The following ENG variants were observed in gnomAD, a reference collection of about 807,000 sequenced individuals.
ENG encodes CD105 antigen.
ENG carries 17 observed loss-of-function variants against 71.0 expected under a neutral mutation model. The observed-to-expected ratio is 0.24, with a 90% CI of 0.16 to 0.36. The LOEUF (loss-of-function observed/expected upper bound fraction) is 0.36. ENG is among the 10% of genes least tolerant of loss of function. The pLI is 1.00. For synonymous variants in ENG, 360 were observed against 366.9 expected (o/e 0.98, Z 0.21); for missense variants, 749 against 868.3 (o/e 0.86, Z 1.73).
intron 8 of ENG, 125 bp from the exon 9 acceptor site, chr9:127,820,162 C>T: frequency 2.2e-6 from 3 of 1,334,444 alleles, no homozygotes; most frequent in Non-Finnish European, 3.0e-6. Flanking sequence ...GCCCTGCTCC[C>T]TCTTCATTTT....
intron 7 of ENG, 57 bp from the exon 8 acceptor site, chr9:127,824,503 C>T (rs1053843964): frequency 1.5e-5 from 22 of 1,475,458 alleles, no homozygotes; most frequent in African/African-American, 2.9e-5. Context: ...ACTGTGTGCC[C>T]GCACCAGGCT....
chr9:127,839,164 C>T (rs776379591), intron 2 of ENG, among the ~76,000 whole-genome samples: 3 of 152,190 alleles, frequency 2.0e-5, no homozygotes, highest in Non-Finnish European at 4.4e-5. Context: ...CAGTGCTCAT[C>T]ACCCCATCAC....
chr9:127,818,705 A>G lies in ENG; in HGVS notation c.1428+11T>C, dbSNP rs1431193283. The G allele has an allele frequency of 1.1e-5, 18 of 1,613,746 alleles. No homozygotes were observed. The highest frequency in any genetic ancestry group is 1.4e-5 in the Non-Finnish European group (17 of 1,179,712). ...CTGGGAGGCCCGAGGGGTGACAGGC[A>G]TGCCAGGTACCTGCACAAAGCTCTG... On this transcript the variant is annotated intron_variant, in intron 11 of 14. Coordinates refer to ENST00000373203, the MANE Select transcript of ENG (RefSeq NM_001114753.3).
intron 4 of ENG, among the ~76,000 whole-genome samples, chr9:127,826,137 T>C (rs1830610166): frequency 6.6e-6 from 1 of 152,208 alleles, no homozygotes; most frequent in Non-Finnish European, 1.5e-5. Context: ...CCCGAAATTA[T>C]AGATTTATCT....
Position 127,815,829 on chromosome 9 carries a change from G to A in ENG, c.1853-23C>T, listed in dbSNP as rs540464910. On this transcript the variant is annotated intron_variant, in intron 14 of 14. Transcript: ENST00000373203. ...AACCTGGGAGCGGGAGCGGGGGCAG[G>A]GGCGGAGGTCAGGGTCCTGGCCAGG... 17 of 1,548,196 alleles carry A rather than the reference G, an allele frequency of 1.1e-5. No individual in the cohort carries two copies. The African/African-American group carries it at 2.0e-4, about 19-fold the overall frequency.
At chr9:127,843,072 G>C (rs370257876) in intron 2 of ENG, 22 bp downstream of exon 2, 23 of 1,613,480 alleles carry the variant, frequency 1.4e-5, no homozygotes, top group Non-Finnish European at 1.8e-5. Flanking sequence ...GCCCCCACCC[G>C]ACCCTGCCAT....
intron 3 of ENG, chr9:127,826,984 C>T: frequency 2.5e-6 from 1 of 396,706 alleles, no homozygotes; most frequent in Non-Finnish European, 4.8e-6. Context: ...GCTGTCTCTC[C>T]CTATACCCTG....
chr9:127,828,384 C>G (rs1010638685), intron 3 of ENG, among the ~76,000 whole-genome samples: 7 of 152,224 alleles, frequency 4.6e-5, no homozygotes, highest in Non-Finnish European at 8.8e-5. Context: ...ACTGGGTCGG[C>G]CACCGAGGCC....
intron 10 of ENG, 137 bp downstream of exon 10, chr9:127,819,485 G>A (rs1830420366): frequency 8.7e-7 from 1 of 1,151,324 alleles, no homozygotes. Context: ...TCATACAGAA[G>A]GGGAGACCGA....
chr9:127,835,623 T>C (rs541710906), intron 2 of ENG, among the ~76,000 whole-genome samples: 3 of 152,278 alleles, frequency 2.0e-5, no homozygotes, highest in African/African-American at 7.2e-5. Flanking sequence ...GGCCAAGCCC[T>C]GAGTGGGGAT....
intron 6 of ENG, 79 bp downstream of exon 6, chr9:127,825,152 G>T (rs910894905): frequency 6.2e-7 from 1 of 1,612,104 alleles, no homozygotes; most frequent in African/African-American, 1.3e-5. Flanking sequence ...CAGCTCGGGG[G>T]TTCACCTTTC....
chr9:127,816,666 C>A, intron 13 of ENG: 1 of 251,298 alleles, frequency 4.0e-6, no homozygotes, highest in Non-Finnish European at 7.9e-6. Context: ...AGGTAGGTGC[C>A]CCCATCCCTC....
intron 3 of ENG, among the ~76,000 whole-genome samples, chr9:127,827,628 G>A (rs1391025721): frequency 6.6e-6 from 1 of 152,168 alleles, no homozygotes; most frequent in East Asian, 1.9e-4. Flanking sequence ...GGGCAAAAGG[G>A]CTTCGGGTTG....
In ENG at chr9:127,824,901, T is replaced by G. The variant is rs776975683; in HGVS notation, c.890A>C (p.Gln297Pro). The G allele has an allele frequency of 2.2e-5, 36 of 1,613,708 alleles. No individual in the cohort carries two copies. The highest frequency in any genetic ancestry group is 1.3e-4 in the Admixed American group (8 of 59,972). ...IRGFKLPDTP[Q>P]GLLGEARMLN... The stretch of plus-strand genomic sequence containing the variant: ...CATCCGGGCCTCCCCCAGGAGGCCT[T>G]GAGGTGTGTCTGGGAGCTTGAAGCC... Residue 297 changes from glutamine to proline, a missense_variant, in exon 7 of 15, where the codon CAA becomes CCA. Transcript: ENST00000373203.
At chr9:127,854,179 T>C (rs1479290196) in intron 1 of ENG, 110 bp downstream of exon 1, 6 of 1,137,106 alleles carry the variant, frequency 5.3e-6, no homozygotes, top group South Asian at 1.4e-5. Context: ...GCCCCAAGGA[T>C]GGCTCTGCTG....
intron 2 of ENG, among the ~76,000 whole-genome samples, chr9:127,830,659 C>T (rs997953144): frequency 1.3e-5 from 2 of 150,380 alleles, no homozygotes; most frequent in Non-Finnish European, 3.0e-5. Flanking sequence ...AAAAAAAAAA[C>T]AAAAAACAAA....
At chr9:127,843,340 T>C in intron 1 of ENG, 95 bp from the exon 2 acceptor site, 2 of 1,539,390 alleles carry the variant, frequency 1.3e-6, no homozygotes, top group African/African-American at 1.4e-5. Context: ...TGACATGAGC[T>C]AACGGCTTTC....
intron 1 of ENG, among the ~76,000 whole-genome samples, chr9:127,851,803 G>A (rs1224824219): frequency 2.6e-5 from 4 of 152,086 alleles, no homozygotes; most frequent in East Asian, 3.9e-4. Context: ...GCTTGAACCC[G>A]GGAGACGGAG....
chr9:127,826,628 G>C lies in ENG; in HGVS notation c.405C>G (p.Thr135=), dbSNP rs773521685. The change falls in exon 4 of 15, where the codon ACC becomes ACG. Residue 135 remains threonine, a synonymous_variant. Coordinates refer to ENST00000373203, the MANE Select transcript of ENG (RefSeq NM_001114753.3). The part of the protein sequence containing the change: ...VTFQEPPGVN[T]TELPSFPKTQ... The stretch of plus-strand genomic sequence containing the variant: ...TCTTGGGGAAGGATGGCAGCTCTGT[G>C]GTGTTGACCCCCGGGGGCTCTTGGA... The C allele has an allele frequency of 1.5e-5, 25 of 1,614,024 alleles. No homozygotes were observed. The East Asian group carries it at 5.1e-4, about 33-fold the overall frequency.
Sources: allele counts gnomAD v4.1 joint callset (sites outside exome capture counted in the v4.1 genomes callset), GRCh38; gene constraint gnomAD v4.1.1; transcripts MANE v1.5; gene names NCBI Gene and HGNC (gene_info 2026-07-23, HGNC 2026-07-21).